Variants in CHST10 observed in about 807,000 individuals in gnomAD.
CHST10 encodes carbohydrate sulfotransferase 10, also known as HNK-1 sulfotransferase.
Under a neutral mutation model 34.7 loss-of-function variants are expected in CHST10, and 24 were observed. The observed-to-expected ratio is 0.69, with a 90% CI of 0.50 to 0.97. The LOEUF is 0.97. Among genes scored for constraint, CHST10 ranks in the 50% least tolerant of loss-of-function variants. CHST10 has a pLI of 0.00. For synonymous variants in CHST10, 161 were observed against 169.3 expected (o/e 0.95, Z 0.38); for missense variants, 402 against 452.1 (o/e 0.89, Z 1.00).
chr2:100,398,176 AC>A, intron 4 of CHST10, 34 bp from the exon 5 acceptor site: 1 of 1,538,452 alleles, frequency 6.5e-7, no homozygotes. Context: ...AGGCCCAGGG[AC>A]CATTAAAGGA....
chr2:100,399,595 G>T (rs1675242735), intron 4 of CHST10, among the ~76,000 whole-genome samples: 1 of 152,192 alleles, frequency 6.6e-6, no homozygotes, highest in Non-Finnish European at 1.5e-5. Context: ...TTAGAAAATG[G>T]GAAGGACATA....
chr2:100,413,759 C>A (rs184766694), intron 2 of CHST10, among the ~76,000 whole-genome samples: 2 of 152,176 alleles, frequency 1.3e-5, no homozygotes, highest in Admixed American at 6.5e-5. Flanking sequence ...AGAAGCACAG[C>A]GCCTTTCTTA....
chr2:100,404,547 G>A (rs972211557), intron 3 of CHST10, among the ~76,000 whole-genome samples: 3 of 152,094 alleles, frequency 2.0e-5, no homozygotes, highest in Non-Finnish European at 2.9e-5. Context: ...CCTGTTCTGC[G>A]CCTACACTTG....
At chr2:100,400,992 T>TA (rs1361941968) in intron 4 of CHST10, among the ~76,000 whole-genome samples, 5 of 152,242 alleles carry the variant, frequency 3.3e-5, no homozygotes, top group African/African-American at 1.2e-4. Flanking sequence ...AAATAAACTT[T>TA]TAAAGGTGAG....
rs13385800 is a variant in CHST10 at position 100,417,547 on chromosome 2, T to G, written c.-277A>C. 3 of 151,918 alleles carry G rather than the reference T, an allele frequency of 2.0e-5. 1 individual carries two copies. The South Asian group carries it at 6.2e-4, about 31-fold the overall frequency. The allele number at this position is 151,918 out of a possible 1,614,324, so 9.4% of individuals were successfully genotyped here. A position where few individuals can be genotyped will look rare whatever the true frequency, so the allele number is the denominator to read the frequency against. ...CGCCGCGGCCCGTCGGGTCCCGGGA[T>G]GTGGCGGCGGCGGCAGCGGAAGTAA... On this transcript the variant is annotated 5_prime_UTR_variant, in exon 1 of 7. Coordinates refer to ENST00000264249, the MANE Select transcript of CHST10 (RefSeq NM_004854.5).
At chr2:100,412,323 G>A (rs1444840916) in intron 2 of CHST10, among the ~76,000 whole-genome samples, 1 of 152,168 alleles carries the variant, frequency 6.6e-6, no homozygotes. Context: ...GGTGGGTTTT[G>A]ATGAATCCTA....
Position 100,417,355 on chromosome 2 carries a change from T to G in CHST10, c.-104+19A>C, listed in dbSNP as rs1676110995. 2 of 343,330 alleles carry G rather than the reference T, an allele frequency of 5.8e-6. No homozygotes were observed. Among genetic ancestry groups the G allele is most frequent in the Admixed American group, 7.6e-5 (2 of 26,246 alleles). The allele number at this position is 343,330 out of a possible 1,614,324, so 21.3% of individuals were successfully genotyped here. On this transcript the variant is annotated intron_variant, in intron 1 of 6. Transcript: ENST00000264249. The stretch of plus-strand genomic sequence containing the variant: ...GCCCAGGCGCTGAAACCCACCCGCC[T>G]GCGCGTCCCCGAGCTCACCCTACTG...
chr2:100,405,588 G>C (rs577672747), intron 3 of CHST10, among the ~76,000 whole-genome samples: 2 of 152,328 alleles, frequency 1.3e-5, no homozygotes, highest in South Asian at 4.1e-4. Flanking sequence ...AGACAGCACA[G>C]GTCAGTGCAG....
chr2:100,392,869 A>C lies in CHST10; in HGVS notation c.*376T>G. The stretch of plus-strand genomic sequence containing the variant: ...AGTGATGGGTGAAGCCACCCTGACT[A>C]GCCAGGAGAACCTCAGGGGCATCCC... On this transcript the variant is annotated 3_prime_UTR_variant, in exon 7 of 7. Transcript: ENST00000264249. The C allele has an allele frequency of 3.1e-5, 7 of 227,656 alleles. No individual in the cohort carries two copies. Among genetic ancestry groups the C allele is most frequent in the South Asian group, 2.5e-4 (3 of 11,946 alleles). 14.1% of individuals were successfully genotyped at this position (227,656 alleles called of 1,614,324 possible).
Position 100,393,344 on chromosome 2 carries a change from G to A in CHST10, c.972C>T (p.Phe324=). 6.2e-7 allele frequency: 1 copy of A among 1,614,208 alleles called. No homozygotes were observed. Among genetic ancestry groups the A allele is most frequent in the South Asian group, 1.1e-5 (1 of 91,080 alleles). The change falls in exon 7 of 7, where the codon TTC becomes TTT. Residue 324 remains phenylalanine (F), a synonymous_variant. Coordinates refer to ENST00000264249, the MANE Select transcript of CHST10 (RefSeq NM_004854.5). ...GGATGTCTCGTTTGCTGATGCCCAG[G>A]AAATAGTGCTCCACCTTGGTTCTGT... ...VYNRTKVEHY[F]LGISKRDIRR...
chr2:100,394,066 A>G (rs1219881434), intron 6 of CHST10, among the ~76,000 whole-genome samples: 1 of 152,194 alleles, frequency 6.6e-6, no homozygotes, highest in African/African-American at 2.4e-5. Flanking sequence ...CATCTATTTA[A>G]TCTACCTTCT....
Position 100,393,372 on chromosome 2 carries a change from T to C in CHST10, c.944A>G (p.Tyr315Cys). The part of the protein sequence containing the change: ...YPTIPPGITV[Y>C]NRTKVEHYFL... ...ATAGTGCTCCACCTTGGTTCTGTTA[T>C]ACACGGTAATGCCCGGAGGGATAGT... Residue 315 changes from tyrosine (Y) to cysteine (C), a missense_variant, in exon 7 of 7, where the codon TAT (tyrosine) becomes TGT (cysteine). Coordinates refer to ENST00000264249, the MANE Select transcript of CHST10 (RefSeq NM_004854.5). 2 of 1,614,206 alleles carry C rather than the reference T, an allele frequency of 1.2e-6. No homozygotes were observed. The highest frequency in any genetic ancestry group is 2.7e-5 in the African/African-American group (2 of 75,048).
chr2:100,393,306 G>A lies in CHST10; in HGVS notation c.1010C>T (p.Ala337Val). 1 of 1,614,190 alleles carries A rather than the reference G, an allele frequency of 6.2e-7. No individual in the cohort carries two copies. Among genetic ancestry groups the A allele is most frequent in the East Asian group, 2.2e-5 (1 of 44,880 alleles). Residue 337 changes from alanine to valine, a missense_variant, in exon 7 of 7, where the codon GCC becomes GTC. Transcript: ENST00000264249. Reference sequence around the variant, plus strand: ...GAGCTTAAAGTCCCCTTCGAAACGGGCATACAGGCGTCGGATGTCTCGTTT... The same window carrying A: ...GAGCTTAAAGTCCCCTTCGAAACGGACATACAGGCGTCGGATGTCTCGTTT... ...ISKRDIRRLY[A>V]RFEGDFKLFG...
intron 4 of CHST10, among the ~76,000 whole-genome samples, chr2:100,400,133 A>G (rs928728051): frequency 3.9e-5 from 6 of 152,144 alleles, no homozygotes; most frequent in Non-Finnish European, 5.9e-5. Flanking sequence ...ACCTCCCAAC[A>G]AGTTCCCTTT....
chr2:100,402,727 C>A (rs1044707749), intron 3 of CHST10, 72 bp from the exon 4 acceptor site: 1 of 1,319,476 alleles, frequency 7.6e-7, no homozygotes, highest in Admixed American at 1.9e-5. Context: ...AGAACAGAGG[C>A]CCCAGAAATA....
chr2:100,401,598 C>T (rs756276332), intron 4 of CHST10, among the ~76,000 whole-genome samples: 2 of 152,146 alleles, frequency 1.3e-5, no homozygotes, highest in Non-Finnish European at 2.9e-5. Flanking sequence ...CTCCTATTTC[C>T]CATAAGATTT....
intron 4 of CHST10, among the ~76,000 whole-genome samples, chr2:100,399,792 G>A (rs1283910869): frequency 6.6e-6 from 1 of 152,182 alleles, no homozygotes; most frequent in East Asian, 1.9e-4. Context: ...ATTCCCTGGT[G>A]GTGGGAAGAG....
chr2:100,411,693 G>T (rs1434791670), intron 2 of CHST10, among the ~76,000 whole-genome samples: 3 of 152,188 alleles, frequency 2.0e-5, no homozygotes, highest in Non-Finnish European at 4.4e-5. Flanking sequence ...CCAAGGATAT[G>T]ACCCTGAGTC....
At chr2:100,395,037 C>A (rs532942257) in intron 6 of CHST10, among the ~76,000 whole-genome samples, 4 of 152,274 alleles carry the variant, frequency 2.6e-5, no homozygotes, top group Admixed American at 2.0e-4. Context: ...GTCCTTGCTG[C>A]GATCAGGGGT....
Sources: gnomAD v4.1 joint callset for allele counts (sites outside exome capture counted in the v4.1 genomes callset) on GRCh38, gnomAD v4.1.1 for gene constraint, MANE v1.5 for transcripts, NCBI Gene and HGNC (gene_info 2026-07-23, HGNC 2026-07-21) for gene names.